RBFOX1: variants seen among roughly 807,000 people sequenced by gnomAD.
RBFOX1 encodes RNA binding protein fox-1 homolog 1.
Under a neutral mutation model 57.7 loss-of-function variants are expected in RBFOX1, and 8 were observed. That is an observed-to-expected ratio of 0.14 (90% CI 0.08 to 0.25). RBFOX1 has a LOEUF of 0.25. Among genes scored for constraint, RBFOX1 ranks in the 10% least tolerant of loss-of-function variants. RBFOX1 has a pLI of 1.00. For synonymous variants in RBFOX1, 326 were observed against 222.4 expected, an observed-to-expected ratio of 1.47 and a Z score of -4.15; for missense variants, 611 against 548.5, an observed-to-expected ratio of 1.11 and a Z score of -1.14.
At chr16:6,123,658 A>G (rs891664890) in intron 1 of RBFOX1, among the ~76,000 whole-genome samples, 2 of 152,198 alleles carry the variant, frequency 1.3e-5, no homozygotes, top group Admixed American at 1.3e-4. Context: ...TAATTTCAGC[A>G]CTTTGGGAGG....
At chr16:6,987,744 T>C (rs2090613042) in intron 3 of RBFOX1, among the ~76,000 whole-genome samples, 3 of 152,194 alleles carry the variant, frequency 2.0e-5, no homozygotes, top group African/African-American at 7.2e-5. Context: ...ACCTGTGTGG[T>C]GCCTCTTGCA....
intron 2 of RBFOX1, among the ~76,000 whole-genome samples, chr16:5,526,453 T>A (rs1325252277): frequency 1.3e-5 from 2 of 152,192 alleles, no homozygotes; most frequent in African/African-American, 4.8e-5. Flanking sequence ...CATGTCCGGC[T>A]AATTTTTGTA....
At chr16:5,991,040 T>C (rs1325907034) in intron 4 of RBFOX1, among the ~76,000 whole-genome samples, 1 of 152,202 alleles carries the variant, frequency 6.6e-6, no homozygotes, top group African/African-American at 2.4e-5. Flanking sequence ...AAAAAATGTT[T>C]TAATGGAAAA....
intron 1 of RBFOX1, among the ~76,000 whole-genome samples, chr16:6,101,920 G>A (rs1315350523): frequency 1.3e-5 from 2 of 152,050 alleles, no homozygotes; most frequent in East Asian, 1.9e-4. Context: ...GCCAGTCCAC[G>A]AATAGTGCAC....
chr16:6,000,484 C>T (rs1230672383), intron 4 of RBFOX1, among the ~76,000 whole-genome samples: 4 of 152,116 alleles, frequency 2.6e-5, no homozygotes, highest in African/African-American at 9.7e-5. Flanking sequence ...AATTGGATCC[C>T]GTGCATGCCT....
chr16:7,196,583 T>C (rs1195689183), intron 4 of RBFOX1, among the ~76,000 whole-genome samples: 1 of 152,190 alleles, frequency 6.6e-6, no homozygotes, highest in Non-Finnish European at 1.5e-5. Flanking sequence ...GAGCCATGAA[T>C]ATTTTTATTC....
rs372809441 is a variant in RBFOX1, at chr16:5,288,788, G to A, written c.219+48683G>A. 5.1e-4 allele frequency among the ~76,000 whole-genome samples: 78 copies of A among 152,110 alleles called. 1 individual carries two copies. The South Asian group carries it at 0.016, about 30-fold the overall frequency. ...TTCCTTATGCTGTTAAGAAAACCCAGCATCACAGCGGCATGATCTCCTGGT... is the reference window on the plus strand; with the variant it reads ...TTCCTTATGCTGTTAAGAAAACCCAACATCACAGCGGCATGATCTCCTGGT... On this transcript the variant is annotated intron_variant, in intron 1 of 2. Transcript: ENST00000585867.
intron 1 of RBFOX1, among the ~76,000 whole-genome samples, chr16:5,421,078 C>G (rs186324831): frequency 9.4e-4 from 143 of 151,924 alleles, no homozygotes; most frequent in African/African-American, 3.3e-3. Flanking sequence ...GCAATCTCAG[C>G]TCACTGCAGC....
At chr16:5,861,704 G>C (rs1415335132) in intron 3 of RBFOX1, among the ~76,000 whole-genome samples, 4 of 152,154 alleles carry the variant, frequency 2.6e-5, no homozygotes, top group Non-Finnish European at 5.9e-5. Flanking sequence ...TTCATACACA[G>C]GGCATTTGTT....
chr16:7,634,717 T>C (rs1052034893), intron 11 of RBFOX1, among the ~76,000 whole-genome samples: 28 of 152,162 alleles, frequency 1.8e-4, no homozygotes, highest in African/African-American at 6.8e-4. Context: ...CTCCAGTTTT[T>C]CTCCGTCACC....
Position 7,241,319 on chromosome 16 carries a change from A to G in RBFOX1, c.27+189221A>G, listed in dbSNP as rs146841732. Among the ~76,000 whole-genome samples, 820 of 152,278 alleles carry G rather than the reference A, an allele frequency of 5.4e-3. 1 individual carries two copies. Among genetic ancestry groups the G allele is most frequent in the Middle Eastern group, 0.031 (9 of 294 alleles). On this transcript the variant is annotated intron_variant, in intron 4 of 15. Transcript: ENST00000550418. ...CAGCTTGAGTAATGGGTGTGGCCCA[A>G]GCAGGAAGCAGGTCACCTCCTGGCC...
At chr16:6,965,119 C>A (rs753043068) in intron 3 of RBFOX1, among the ~76,000 whole-genome samples, 1 of 152,068 alleles carries the variant, frequency 6.6e-6, no homozygotes. Context: ...TATCTAGACT[C>A]TGCCTCCATG....
rs559141227 is a variant in RBFOX1 at position 6,898,761 on chromosome 16, G to A, written c.-15-153296G>A. Among the ~76,000 whole-genome samples, 51 of 151,978 alleles carry A rather than the reference G, an allele frequency of 3.4e-4. 1 individual carries two copies. Among genetic ancestry groups the A allele is most frequent in the African/African-American group, 1.1e-3 (47 of 41,418 alleles). On this transcript the variant is annotated intron_variant, in intron 3 of 15. Transcript: ENST00000550418. ...GTGTATGTGTCCATATATATAATAC[G>A]TGTATGCACATGCATCTGTGTGTAT...
intron 1 of RBFOX1, among the ~76,000 whole-genome samples, chr16:5,416,911 C>G (rs1467397139): frequency 6.6e-6 from 1 of 152,148 alleles, no homozygotes; most frequent in African/African-American, 2.4e-5. Context: ...ACTATCTGCC[C>G]TCCTTCAGAT....
intron 4 of RBFOX1, among the ~76,000 whole-genome samples, chr16:7,237,510 G>C (rs2093828852): frequency 6.6e-6 from 1 of 152,190 alleles, no homozygotes; most frequent in South Asian, 2.1e-4. Context: ...TTAGCCTGAA[G>C]CACAATAGAA....
intron 1 of RBFOX1, among the ~76,000 whole-genome samples, chr16:6,297,021 G>T (rs1327790660): frequency 6.6e-6 from 1 of 152,142 alleles, no homozygotes; most frequent in Non-Finnish European, 1.5e-5. Context: ...TTAAACAAGG[G>T]GTGGGTTATT....
chr16:5,701,201 C>A lies in RBFOX1; in HGVS notation c.318+102240C>A, dbSNP rs190717691. ...CATTGCATTATTGGCTAATTGCTGG[C>A]CTCCCCTGCCAGACTATGCTGTTTC... On this transcript the variant is annotated intron_variant, in intron 3 of 19. Transcript: ENST00000641259. 4.3e-3 allele frequency among the ~76,000 whole-genome samples: 648 copies of A among 152,304 alleles called. 5 individuals are homozygous for A. The highest frequency in any genetic ancestry group is 0.02 in the Middle Eastern group (6 of 294).
chr16:6,315,932 T>C (rs1336833827), intron 1 of RBFOX1, among the ~76,000 whole-genome samples: 3 of 152,222 alleles, frequency 2.0e-5, no homozygotes, highest in Admixed American at 6.5e-5. Context: ...TGTATATCTG[T>C]ATATCTATAT....
intron 3 of RBFOX1, among the ~76,000 whole-genome samples, chr16:7,015,180 T>C (rs748913601): frequency 6.6e-5 from 10 of 152,180 alleles, no homozygotes; most frequent in Non-Finnish European, 1.5e-4. Context: ...TCTGGATTTG[T>C]TGTGGTGACA....
Sources: allele counts gnomAD v4.1 joint callset (sites outside exome capture counted in the v4.1 genomes callset), GRCh38; gene constraint gnomAD v4.1.1; transcripts MANE v1.5; gene names NCBI Gene and HGNC (gene_info 2026-07-23, HGNC 2026-07-21).